The following RPE variants were observed in gnomAD, a reference collection of about 807,000 sequenced individuals.
RPE encodes the protein ribulose-5-phosphate-3-epimerase.
In RPE, 16 loss-of-function variants were observed where a neutral mutation model predicts 24.6. The observed-to-expected ratio is 0.65, with a 90% confidence interval of 0.44 to 0.99. The LOEUF is 0.99. Ranked by LOEUF, RPE falls within the 50% of genes least tolerant of loss-of-function variation. The pLI is 0.00. For synonymous variants in RPE, 93 were observed against 98.4 expected (o/e 0.94, Z 0.33); for missense variants, 240 against 294.5 (o/e 0.81, Z 1.35).
intron 2 of RPE, among the ~76,000 whole-genome samples, chr2:210,011,165 A>G (rs976928656): frequency 3.3e-5 from 5 of 152,184 alleles, no homozygotes; most frequent in Non-Finnish European, 7.3e-5. Flanking sequence ...ACAATGTTCC[A>G]CCAATATATT....
intron 1 of RPE, among the ~76,000 whole-genome samples, chr2:210,005,088 G>A (rs1267451520): frequency 6.6e-6 from 1 of 151,790 alleles, no homozygotes; most frequent in Non-Finnish European, 1.5e-5. Flanking sequence ...CTTCCCTGAT[G>A]TCTCACCAGA....
rs1355250079 is a variant in RPE at position 210,021,808 on chromosome 2, T to A, written c.*2017T>A. On this transcript the variant is annotated 3_prime_UTR_variant, in exon 6 of 6. Coordinates refer to ENST00000359429, the MANE Select transcript of RPE (RefSeq NM_199229.3). ...TGGTTTAATAGCTTCAAAAGGAATT[T>A]TCTTTCATGTATACTCTTCAGTATC... 6.6e-6 allele frequency: 1 copy of A among 151,820 alleles called. No homozygotes were observed. The highest frequency in any genetic ancestry group is 2.4e-5 in the African/African-American group (1 of 41,350). The allele number at this position is 151,820 out of a possible 1,614,324, so 9.4% of individuals were successfully genotyped here. A position where few individuals can be genotyped will look rare whatever the true frequency, so the allele number is the denominator to read the frequency against.
chr2:210,003,407 A>G, intron 1 of RPE: 2 of 1,262,176 alleles, frequency 1.6e-6, no homozygotes, highest in East Asian at 5.6e-5. Flanking sequence ...CATTATTACA[A>G]TTCTGATTTT....
intron 2 of RPE, among the ~76,000 whole-genome samples, chr2:210,013,715 G>A (rs2093731244): frequency 6.6e-6 from 1 of 152,098 alleles, no homozygotes; most frequent in Non-Finnish European, 1.5e-5. Flanking sequence ...TTTTAAGAGT[G>A]TAAACTCCTG....
chr2:210,021,459 A>T lies in RPE; in HGVS notation c.*1668A>T, dbSNP rs780317109. ...ACTTTAATTAAAAAACTTACATAGA[A>T]GATTATAATATCAGACGTGACAAAG... On this transcript the variant is annotated 3_prime_UTR_variant, in exon 6 of 6. Coordinates refer to ENST00000359429, the MANE Select transcript of RPE (RefSeq NM_199229.3). 3.3e-5 allele frequency: 5 copies of T among 152,580 alleles called. No homozygotes were observed. Among genetic ancestry groups the T allele is most frequent in the African/African-American group, 4.8e-5 (2 of 41,444 alleles). The allele number at this position is 152,580 out of a possible 1,614,324, so 9.5% of individuals were successfully genotyped here. A position where few individuals can be genotyped will look rare whatever the true frequency, so the allele number is the denominator to read the frequency against.
At chr2:210,010,606 G>A (rs538843465) in intron 2 of RPE, among the ~76,000 whole-genome samples, 126 of 152,228 alleles carry the variant, frequency 8.3e-4, no homozygotes, top group Non-Finnish European at 1.0e-3. Flanking sequence ...GTAGAACTTA[G>A]ATTCTTTTTA....
At chr2:210,013,787 G>A (rs2093732366) in intron 2 of RPE, among the ~76,000 whole-genome samples, 4 of 152,024 alleles carry the variant, frequency 2.6e-5, no homozygotes, top group South Asian at 4.2e-4. Flanking sequence ...TTGAGCCACC[G>A]CACCTAGCCA....
rs1323495495 is a variant in RPE at position 210,016,170 on chromosome 2, G to A, written c.342+58G>A. 7 of 1,613,592 alleles carry A rather than the reference G, an allele frequency of 4.3e-6. No individual in the cohort carries two copies. In the Admixed American group the frequency reaches 1.0e-4, roughly 23 times the overall value. On this transcript the variant is annotated intron_variant, in intron 3 of 5. Coordinates refer to ENST00000359429, the MANE Select transcript of RPE (RefSeq NM_199229.3). ...TTCACTCTCAGTTGGGAAGATTTGC[G>A]GGAAACAGGAAATTTTCTCTTTTTT...
intron 2 of RPE, among the ~76,000 whole-genome samples, chr2:210,015,669 G>A (rs2093761431): frequency 6.6e-6 from 1 of 152,156 alleles, no homozygotes. Context: ...TATTCTTTAA[G>A]TTTTTTAGAG....
intron 2 of RPE, among the ~76,000 whole-genome samples, chr2:210,012,389 T>G (rs2093712271): frequency 6.6e-6 from 1 of 152,212 alleles, no homozygotes; most frequent in Admixed American, 6.5e-5. Context: ...GTATCAGGAG[T>G]TATTCTTCAT....
chr2:210,009,894 C>T (rs1365915513), intron 2 of RPE, among the ~76,000 whole-genome samples, 158 bp downstream of exon 2: 1 of 152,224 alleles, frequency 6.6e-6, no homozygotes, highest in Non-Finnish European at 1.5e-5. Flanking sequence ...CAAACTTCTT[C>T]CTGCCTCTGG....
At chr2:210,017,434 C>CAAAAA in intron 4 of RPE, 39 bp from the exon 5 acceptor site, 1 of 1,296,664 alleles carries the variant, frequency 7.7e-7, no homozygotes, top group Non-Finnish European at 1.1e-6. Context: ...CCAACATACC[C>CAAAAA]ACTTTAGGAG....
intron 2 of RPE, 76 bp from the exon 3 acceptor site, chr2:210,015,897 A>G (rs2093764484): frequency 6.5e-7 from 1 of 1,535,538 alleles, no homozygotes; most frequent in East Asian, 2.3e-5. Context: ...AGTGGCAAAA[A>G]CTACATACAG....
At chr2:210,015,268 T>G (rs1167635475) in intron 2 of RPE, among the ~76,000 whole-genome samples, 1 of 152,200 alleles carries the variant, frequency 6.6e-6, no homozygotes, top group East Asian at 1.9e-4. Context: ...GCTGCCATCA[T>G]TTTTCACCTG....
chr2:210,010,101 ACT>A (rs2093681016), intron 2 of RPE, among the ~76,000 whole-genome samples: 1 of 151,660 alleles, frequency 6.6e-6, no homozygotes, highest in Non-Finnish European at 1.5e-5. Context: ...TAGACTATAA[ACT>A]CTCTGAGGGC....
chr2:210,017,730 ATGCTTTTTTTTT>A (rs1210558058), intron 5 of RPE, 171 bp downstream of exon 5: 18 of 376,430 alleles, frequency 4.8e-5, no homozygotes, highest in East Asian at 1.2e-4. Flanking sequence ...ATAAGTGGAT[ATGCTTTTTTTTT>A]TTTTTTTTTT....
intron 2 of RPE, among the ~76,000 whole-genome samples, chr2:210,013,351 C>G (rs1226688621): frequency 6.6e-6 from 1 of 150,474 alleles, no homozygotes; most frequent in Non-Finnish European, 1.5e-5. Flanking sequence ...GCTCTGTCAC[C>G]CAGGCTAGAG....
At position 210,019,968 on chromosome 2, in the gene RPE, T is replaced by C; in HGVS notation, c.*177T>C. 2.8e-6 allele frequency: 2 copies of C among 705,048 alleles called. No homozygotes were observed. The highest frequency in any genetic ancestry group is 4.3e-6 in the Non-Finnish European group (2 of 462,648). The allele number at this position is 705,048 out of a possible 1,614,324, so 43.7% of individuals were successfully genotyped here. A position where few individuals can be genotyped will look rare whatever the true frequency, so the allele number is the denominator to read the frequency against. ...CTAAGAGGTCAGAAATTGGTGTGTA[T>C]AACTACATTTTTAGTGATGCAATTT... On this transcript the variant is annotated 3_prime_UTR_variant, in exon 6 of 6. Coordinates refer to ENST00000359429, the MANE Select transcript of RPE (RefSeq NM_199229.3).
chr2:210,016,266 T>A, intron 3 of RPE, 154 bp downstream of exon 3: 1 of 1,613,934 alleles, frequency 6.2e-7, no homozygotes, highest in Non-Finnish European at 8.5e-7. Context: ...AGGTAAAGAA[T>A]ACCTTACTTA....
Sources: allele counts gnomAD v4.1 joint callset (sites outside exome capture counted in the v4.1 genomes callset), GRCh38; gene constraint gnomAD v4.1.1; transcripts MANE v1.5; gene names NCBI Gene and HGNC (gene_info 2026-07-23, HGNC 2026-07-21).